The following PDE4D variants were observed in gnomAD, a reference collection of about 807,000 sequenced individuals.
The protein encoded by PDE4D is 3',5'-cyclic-AMP phosphodiesterase 4D.
In PDE4D, 24 loss-of-function variants were observed where a neutral mutation model predicts 87.4. The ratio of observed to expected loss-of-function variants is 0.27; its 90% confidence interval spans 0.20 to 0.39. The LOEUF is 0.39. Ranked by LOEUF, PDE4D falls within the 10% of genes least tolerant of loss-of-function variation. The probability of loss-of-function intolerance (pLI) is 1.00; values close to 1 mark genes in which losing one functional copy is unlikely to be tolerated. For synonymous variants in PDE4D, 384 were observed against 383.2 expected, an observed-to-expected ratio of 1.00 and a Z score of -0.02; for missense variants, 714 against 1,041.0, an observed-to-expected ratio of 0.69 and a Z score of 4.32.
At chr5:59,994,927 C>T (rs1310826349) in intron 2 of PDE4D, among the ~76,000 whole-genome samples, 2 of 152,092 alleles carry the variant, frequency 1.3e-5, no homozygotes, top group Non-Finnish European at 2.9e-5. Flanking sequence ...GTGTCGGGTA[C>T]TGAAAATGCA....
intron 1 of PDE4D, among the ~76,000 whole-genome samples, chr5:59,687,651 C>G (rs1012643827): frequency 2.3e-4 from 35 of 152,202 alleles, no homozygotes; most frequent in Non-Finnish European, 5.9e-5. Context: ...TAGGAAGAGA[C>G]TGCATCAACT....
intron 2 of PDE4D, among the ~76,000 whole-genome samples, chr5:60,167,140 A>G (rs951096526): frequency 6.7e-6 from 1 of 149,130 alleles, no homozygotes. Flanking sequence ...CAAACTTTCT[A>G]CTCCTTTGTT....
rs530407060 is a variant in PDE4D at position 60,103,517 on chromosome 5, C to T, written c.42+82040G>A. 3.9e-5 allele frequency among the ~76,000 whole-genome samples: 6 copies of T among 152,190 alleles called. No homozygotes were observed. In the South Asian group the frequency reaches 1.0e-3, roughly 26 times the overall value. On this transcript the variant is annotated intron_variant, in intron 2 of 16. Transcript: ENST00000502484. ...CAGGAATGAAGAACATGTAGCCAGG[C>T]CCCAACATGAGCCAAACTGTTACCA...
At chr5:59,619,469 C>T (rs1165990680) in intron 1 of PDE4D, among the ~76,000 whole-genome samples, 1 of 152,174 alleles carries the variant, frequency 6.6e-6, no homozygotes, top group Non-Finnish European at 1.5e-5. Context: ...GGTGCCTGGG[C>T]CCCAATCCCT....
intron 5 of PDE4D, among the ~76,000 whole-genome samples, chr5:59,090,747 A>G (rs1768552236): frequency 6.6e-6 from 1 of 150,842 alleles, no homozygotes. Flanking sequence ...AGAGTCTCAG[A>G]CGGGACCTTC....
intron 2 of PDE4D, among the ~76,000 whole-genome samples, chr5:60,002,768 ATGAACC>A (rs2152839689): frequency 6.6e-6 from 1 of 152,302 alleles, no homozygotes; most frequent in East Asian, 1.9e-4. Context: ...AATAGAAGGA[ATGAACC>A]TCAAGACAAT....
chr5:59,439,528 T>C (rs1037740080), intron 1 of PDE4D, among the ~76,000 whole-genome samples: 14 of 152,210 alleles, frequency 9.2e-5, no homozygotes, highest in African/African-American at 3.4e-4. Context: ...AACAAATATT[T>C]ATCAAGTTAC....
At chr5:59,757,795 G>A (rs1418468625) in intron 1 of PDE4D, among the ~76,000 whole-genome samples, 2 of 151,994 alleles carry the variant, frequency 1.3e-5, no homozygotes, top group Non-Finnish European at 2.9e-5. Context: ...GGCTGGCTTT[G>A]TTTTTACACC....
intron 3 of PDE4D, among the ~76,000 whole-genome samples, chr5:59,939,254 T>C (rs1033883390): frequency 2.6e-5 from 4 of 152,198 alleles, no homozygotes; most frequent in Admixed American, 1.3e-4. Context: ...AGTGTTAATA[T>C]AGTTGAACCT....
At chr5:60,320,373 C>T (rs376300699) in intron 1 of PDE4D, among the ~76,000 whole-genome samples, 132 of 152,292 alleles carry the variant, frequency 8.7e-4, no homozygotes, top group African/African-American at 2.9e-3. Flanking sequence ...TTCCGGATGC[C>T]GTCTGTCACC....
chr5:59,642,705 T>C (rs1741807854), intron 1 of PDE4D, among the ~76,000 whole-genome samples: 1 of 152,186 alleles, frequency 6.6e-6, no homozygotes, highest in Admixed American at 6.5e-5. Flanking sequence ...CAGGTATGTC[T>C]TTATCAGCAG....
At chr5:60,007,893 A>G (rs1039301839) in intron 2 of PDE4D, among the ~76,000 whole-genome samples, 3 of 151,948 alleles carry the variant, frequency 2.0e-5, no homozygotes, top group Admixed American at 6.6e-5. Context: ...TCTGCTCTCA[A>G]AGAGCATATA....
chr5:60,314,319 G>A (rs1457601684), intron 1 of PDE4D, among the ~76,000 whole-genome samples: 2 of 151,554 alleles, frequency 1.3e-5, no homozygotes, highest in Non-Finnish European at 2.9e-5. Flanking sequence ...GGAACATGCT[G>A]CCATGCCCAA....
chr5:59,476,802 C>G (rs1474362774), intron 1 of PDE4D, among the ~76,000 whole-genome samples: 1 of 152,050 alleles, frequency 6.6e-6, no homozygotes, highest in African/African-American at 2.4e-5. Flanking sequence ...AGGAGATTTT[C>G]TATCTATCCA....
chr5:60,423,689 A>G (rs1743351014), intron 1 of PDE4D, among the ~76,000 whole-genome samples: 3 of 152,192 alleles, frequency 2.0e-5, no homozygotes, highest in African/African-American at 2.4e-5. Flanking sequence ...AGAAATAACT[A>G]AGATCAGAGG....
At chr5:60,180,844 C>T (rs564132859) in intron 2 of PDE4D, among the ~76,000 whole-genome samples, 5 of 152,140 alleles carry the variant, frequency 3.3e-5, no homozygotes, top group East Asian at 1.9e-4. Context: ...CAGCATCTCC[C>T]GTGACCTTCT....
At position 60,072,799 on chromosome 5, in the gene PDE4D, T is replaced by C. The variant is rs143317095; in HGVS notation, c.43-84082A>G. Among the ~76,000 whole-genome samples the C allele has an allele frequency of 9.0e-4, 137 of 152,232 alleles. 1 individual carries two copies. The highest frequency in any genetic ancestry group is 1.5e-3 in the Non-Finnish European group (105 of 67,946). ...CTTTGCTTTGTCTAAGATCAGATGG[T>C]TGTAGGTGTGCAGCCTTATTTCAGG... is the stretch of plus-strand genomic sequence containing the variant. On this transcript the variant is annotated intron_variant, in intron 2 of 16. Coordinates refer to the PDE4D transcript ENST00000502484.
Position 59,992,527 on chromosome 5 carries a change from T to C in PDE4D, c.43-3810A>G, listed in dbSNP as rs1203373950. Among the ~76,000 whole-genome samples the C allele has an allele frequency of 2.6e-5, 4 of 152,202 alleles. No homozygotes were observed. The East Asian group carries it at 7.7e-4, about 29-fold the overall frequency. On this transcript the variant is annotated intron_variant, in intron 2 of 16. Transcript: ENST00000502484. The stretch of plus-strand genomic sequence containing the variant: ...GAACATAGAAAAGAAGAACAAAGGA[T>C]GAGTCTAGCAAAGCTTCAGTAGCAC...
At chr5:60,209,187 CT>C (rs58524375) in intron 1 of PDE4D, among the ~76,000 whole-genome samples, 32,925 of 108,924 alleles carry the variant, frequency 0.3, 3,372 homozygotes, top group Admixed American at 0.37. Flanking sequence ...TTCTTTTTTT[CT>C]TTTTTTTTTT....
Sources: gnomAD v4.1 joint callset for allele counts (sites outside exome capture counted in the v4.1 genomes callset) on GRCh38, gnomAD v4.1.1 for gene constraint, MANE v1.5 for transcripts, NCBI Gene and HGNC (gene_info 2026-07-23, HGNC 2026-07-21) for gene names.